ARHGAP32: variants seen among roughly 807,000 people sequenced by gnomAD.
The protein encoded by ARHGAP32 is rho GTPase-activating protein 32.
ARHGAP32 carries 51 observed loss-of-function variants against 186.5 expected under a neutral mutation model. That is an observed-to-expected ratio of 0.27 (90% CI 0.22 to 0.35). The LOEUF (loss-of-function observed/expected upper bound fraction) is 0.35. Among genes scored for constraint, ARHGAP32 ranks in the 10% least tolerant of loss-of-function variants. ARHGAP32 has a pLI of 1.00. For missense variants in ARHGAP32, 2,186 were observed against 2,623.5 expected (o/e 0.83, Z 3.64); for synonymous variants, 950 against 964.3 (o/e 0.99, Z 0.27).
chr11:128,970,852 T>A lies in ARHGAP32; in HGVS notation c.4361A>T (p.Tyr1454Phe), dbSNP rs1475339635. 6.2e-7 allele frequency: 1 copy of A among 1,614,176 alleles called. No individual in the cohort carries two copies. ...SSADATSSSN[Y>F]HSFVTASSTS... The stretch of plus-strand genomic sequence containing the variant: ...GGATGAAGCAGTGACAAAGGAATGA[T>A]AATTTGAACTGCTGGTGGCATCTGC... The change falls in exon 23 of 23, where the codon TAT (tyrosine) becomes TTT (phenylalanine). Residue 1454 changes from tyrosine to phenylalanine, a missense_variant. Tyr to Phe is a conservative substitution (Grantham distance 22). Coordinates refer to ENST00000682385, the MANE Select transcript of ARHGAP32 (RefSeq NM_001378024.1). This position sits in a 1 kb window ranked among gnomAD's most constrained non-coding sequence, Gnocchi z 5.8.
In ARHGAP32 at chr11:129,032,345, C is replaced by T. The variant is rs537658269; in HGVS notation, c.1045+8583G>A. Among the ~76,000 whole-genome samples the T allele has an allele frequency of 3.9e-5, 6 of 152,312 alleles. No individual in the cohort carries two copies. The East Asian group carries it at 1.2e-3, about 29-fold the overall frequency. ...GCACCCACTCACCTGCGTGCTGCCC[C>T]TGAGCTTTGAATCCTGCAAAGGGGC... is the stretch of plus-strand genomic sequence containing the variant. On this transcript the variant is annotated intron_variant, in intron 11 of 22. Coordinates refer to ENST00000682385, the MANE Select transcript of ARHGAP32 (RefSeq NM_001378024.1).
At chr11:129,042,129 G>A (rs1185570361) in intron 10 of ARHGAP32, among the ~76,000 whole-genome samples, 1 of 152,118 alleles carries the variant, frequency 6.6e-6, no homozygotes, top group African/African-American at 2.4e-5. Context: ...AGCTGAAAAG[G>A]GGTATTAACA....
chr11:129,023,657 T>A (rs1938699000), intron 11 of ARHGAP32, among the ~76,000 whole-genome samples: 1 of 152,172 alleles, frequency 6.6e-6, no homozygotes, highest in Non-Finnish European at 1.5e-5. Context: ...AAAGCCTACT[T>A]CAAAAAGTAT....
chr11:129,243,083 CA>C (rs1416703005), intron 1 of ARHGAP32, among the ~76,000 whole-genome samples: 1 of 152,204 alleles, frequency 6.6e-6, no homozygotes, highest in African/African-American at 2.4e-5. Context: ...TTACCCCCTA[CA>C]TAGCACCAAA....
In ARHGAP32 at chr11:128,974,878, C is replaced by G. The variant is rs977685579; in HGVS notation, c.2319G>C (p.Glu773Asp). 1 of 1,614,220 alleles carries G rather than the reference C, an allele frequency of 6.2e-7. No individual in the cohort carries two copies. The highest frequency in any genetic ancestry group is 2.2e-5 in the East Asian group (1 of 44,882). ...NSYDNLPHDN[E>D]SEEEGGLLHI... Reference sequence around the variant, plus strand: ...GAAGCAGCCCTCCTTCCTCCTCACTCTCATTGTCATGAGGCAGATTATCAT... The same window carrying G: ...GAAGCAGCCCTCCTTCCTCCTCACTGTCATTGTCATGAGGCAGATTATCAT... Residue 773 changes from glutamate (E) to aspartate (D), a missense_variant, in exon 21 of 23, where the codon GAG (glutamate) becomes GAC (aspartate). Physicochemically the swap from Glu to Asp is conservative, Grantham distance 45. Coordinates refer to ENST00000682385, the MANE Select transcript of ARHGAP32 (RefSeq NM_001378024.1).
At chr11:129,076,992 C>T (rs671154) in intron 6 of ARHGAP32, among the ~76,000 whole-genome samples, 79,158 of 151,992 alleles carry the variant, frequency 0.52, 21,133 homozygotes, top group South Asian at 0.64. Flanking sequence ...CTGGGGAACC[C>T]GAAAATCCAG....
intron 6 of ARHGAP32, among the ~76,000 whole-genome samples, chr11:129,076,989 A>G (rs1426078245): frequency 6.6e-6 from 1 of 152,218 alleles, no homozygotes; most frequent in Non-Finnish European, 1.5e-5. Context: ...TCACTGGGGA[A>G]CCCGAAAATC....
chr11:129,145,962 G>A (rs1943160773), intron 2 of ARHGAP32, among the ~76,000 whole-genome samples: 1 of 152,010 alleles, frequency 6.6e-6, no homozygotes, highest in South Asian at 2.1e-4. Context: ...AAACAAACTG[G>A]CAAAAATTCA....
intron 1 of ARHGAP32, among the ~76,000 whole-genome samples, chr11:129,235,152 A>C (rs1944912021): frequency 6.6e-6 from 1 of 152,192 alleles, no homozygotes; most frequent in Non-Finnish European, 1.5e-5. Flanking sequence ...CCCTGCTGAC[A>C]TCTTGATTTC....
intron 2 of ARHGAP32, among the ~76,000 whole-genome samples, chr11:129,128,924 G>A (rs888124456): frequency 1.3e-5 from 2 of 152,178 alleles, no homozygotes; most frequent in African/African-American, 4.8e-5. Flanking sequence ...GCGTGATCTC[G>A]GCTCGCTACA....
intron 11 of ARHGAP32, among the ~76,000 whole-genome samples, chr11:129,030,254 A>G (rs1481449470): frequency 6.6e-6 from 1 of 152,238 alleles, no homozygotes; most frequent in African/African-American, 2.4e-5. Flanking sequence ...ACTTCTTACT[A>G]AAGTGACATG....
At chr11:129,023,634 T>C (rs1472003797) in intron 11 of ARHGAP32, among the ~76,000 whole-genome samples, 2 of 152,160 alleles carry the variant, frequency 1.3e-5, no homozygotes, top group African/African-American at 4.8e-5. Flanking sequence ...AACATCTGTG[T>C]TGTACAATCA....
chr11:129,021,487 C>T (rs899667623), intron 11 of ARHGAP32, among the ~76,000 whole-genome samples: 5 of 152,042 alleles, frequency 3.3e-5, no homozygotes, highest in Admixed American at 2.6e-4. Context: ...CAAACTGTTA[C>T]AACACAGAAC....
At chr11:129,130,512 G>A (rs564097761) in intron 2 of ARHGAP32, among the ~76,000 whole-genome samples, 403 of 151,532 alleles carry the variant, frequency 2.7e-3, no homozygotes, top group African/African-American at 9.3e-3. Context: ...AGAAATCCTT[G>A]TAACAAAATA....
intron 11 of ARHGAP32, among the ~76,000 whole-genome samples, chr11:129,000,662 A>C (rs1946332668): frequency 6.6e-6 from 1 of 152,142 alleles, no homozygotes; most frequent in Non-Finnish European, 1.5e-5. Flanking sequence ...ATGTACGTTT[A>C]AATTATTTTT....
At chr11:129,148,939 C>A (rs1268721375) in intron 2 of ARHGAP32, among the ~76,000 whole-genome samples, 1 of 152,164 alleles carries the variant, frequency 6.6e-6, no homozygotes. Context: ...GTGGCCACAG[C>A]AAGCCTCACC....
At chr11:129,225,174 G>A (rs1453186964) in intron 1 of ARHGAP32, among the ~76,000 whole-genome samples, 5 of 152,046 alleles carry the variant, frequency 3.3e-5, no homozygotes, top group Admixed American at 2.6e-4. Context: ...GAAAGCAGTA[G>A]GACAAAGATA....
intron 6 of ARHGAP32, among the ~76,000 whole-genome samples, chr11:129,090,413 C>A (rs985916782): frequency 1.3e-5 from 2 of 152,094 alleles, no homozygotes; most frequent in African/African-American, 4.8e-5. Flanking sequence ...AATACTTGAT[C>A]TTCAGAAAAA....
chr11:129,056,799 G>GT (rs1940270047), intron 10 of ARHGAP32, among the ~76,000 whole-genome samples: 1 of 152,168 alleles, frequency 6.6e-6, no homozygotes, highest in Admixed American at 6.5e-5. Context: ...ACGAGCTTCA[G>GT]AAAGTGTTGC....
Sources: gnomAD v4.1 joint callset for allele counts (sites outside exome capture counted in the v4.1 genomes callset) on GRCh38, gnomAD v4.1.1 for gene constraint, Gnocchi (gnomAD v3.1) non-coding constraint, MANE v1.5 for transcripts, NCBI Gene and HGNC (gene_info 2026-07-23, HGNC 2026-07-21) for gene names.